KIF26B: variants seen among roughly 807,000 people sequenced by gnomAD.
The protein encoded by KIF26B is kinesin-like protein KIF26B.
In KIF26B, 63 loss-of-function variants were observed where a neutral mutation model predicts 151.2. The observed-to-expected ratio is 0.42, with a 90% CI of 0.34 to 0.51. KIF26B has a LOEUF of 0.51. Among genes scored for constraint, KIF26B ranks in the 20% least tolerant of loss-of-function variants. The pLI is 0.07. For synonymous variants in KIF26B, 1,357 were observed against 1,262.1 expected (o/e 1.08, Z -1.59); for missense variants, 2,813 against 2,913.6 (o/e 0.97, Z 0.79).
intron 4 of KIF26B, among the ~76,000 whole-genome samples, chr1:245,470,364 A>G (rs1274146277): frequency 6.6e-6 from 1 of 152,138 alleles, no homozygotes; most frequent in Non-Finnish European, 1.5e-5. Flanking sequence ...CAAAGGAAGA[A>G]TTGGCAAGGG....
rs540857783 is a variant in KIF26B, at chr1:245,709,346, T to C, written c.*6740T>C. 6.6e-6 allele frequency: 1 copy of C among 152,218 alleles called. No homozygotes were observed. The highest frequency in any genetic ancestry group is 1.9e-4 in the East Asian group (1 of 5,196). The allele number at this position is 152,218 out of a possible 1,614,324, so 9.4% of individuals were successfully genotyped here. Reference sequence around the variant, plus strand: ...CTACGATCTCTGACTTTTTGTGGCATATGAGGTGTAAAATGTTGTCAAAAA... The same window carrying C: ...CTACGATCTCTGACTTTTTGTGGCACATGAGGTGTAAAATGTTGTCAAAAA... On this transcript the variant is annotated 3_prime_UTR_variant, in exon 15 of 15. Coordinates refer to ENST00000407071, the MANE Select transcript of KIF26B (RefSeq NM_018012.4).
In KIF26B at chr1:245,386,367, T is replaced by C. The variant is rs372579324; in HGVS notation, c.999+19000T>C. ...AAAAAAGACAGATTTATTCTTCCTA[T>C]CTAACTGAGGCTTTGTACCTTTTGA... On this transcript the variant is annotated intron_variant, in intron 3 of 14. Coordinates refer to ENST00000407071, the MANE Select transcript of KIF26B (RefSeq NM_018012.4). Among the ~76,000 whole-genome samples, 8 of 152,112 alleles carry C rather than the reference T, an allele frequency of 5.3e-5. No homozygotes were observed. The East Asian group carries it at 1.2e-3, about 22-fold the overall frequency.
At position 245,227,970 on chromosome 1, in the gene KIF26B, C is replaced by G. The variant is rs1276032467; in HGVS notation, c.465+71287C>G. On this transcript the variant is annotated intron_variant, in intron 2 of 14. Transcript: ENST00000407071. The surrounding 1 kb of genome is among the most constrained non-coding windows in gnomAD (Gnocchi z 4.1). Reference sequence around the variant, plus strand: ...TGAGCTCAGGTTGCGCCTCTGCACTCCAGCCTGGGCAACAAGAGCGAAACT... The same window carrying G: ...TGAGCTCAGGTTGCGCCTCTGCACTGCAGCCTGGGCAACAAGAGCGAAACT... Among the ~76,000 whole-genome samples the G allele has an allele frequency of 6.6e-6, 1 of 152,132 alleles. No individual in the cohort carries two copies. The highest frequency in any genetic ancestry group is 1.5e-5 in the Non-Finnish European group (1 of 68,024).
intron 4 of KIF26B, among the ~76,000 whole-genome samples, chr1:245,492,196 A>G (rs1572089987): frequency 6.6e-6 from 1 of 152,336 alleles, no homozygotes; most frequent in East Asian, 1.9e-4. Flanking sequence ...CCTTGAAGAC[A>G]AGGGCTGAGC....
intron 4 of KIF26B, among the ~76,000 whole-genome samples, chr1:245,526,210 T>C (rs1184234945): frequency 6.6e-6 from 1 of 152,218 alleles, no homozygotes; most frequent in Non-Finnish European, 1.5e-5. Context: ...GTGTCCTTTA[T>C]TGCCCAGTGT....
chr1:245,184,050 G>GTTTTGTTTTTTTTTTTTGTTTTTT (rs1553332273), intron 2 of KIF26B, among the ~76,000 whole-genome samples: 1 of 19,804 alleles, frequency 5.0e-5, no homozygotes, highest in Admixed American at 1.0e-3. Context: ...GGGAGTTGTT[G>GTTTTGTTTTTTTTTTTTGTTTTTT]TTTTTTTTTT....
chr1:245,385,657 G>A lies in KIF26B; in HGVS notation c.999+18290G>A, dbSNP rs935015346. ...CTGGGGAAGAGGCAGAGAAGGAAGG[G>A]AAAACATTTAAAGAGGGCAAAACAT... On this transcript the variant is annotated intron_variant, in intron 3 of 14. Transcript: ENST00000407071. Among the ~76,000 whole-genome samples the A allele has an allele frequency of 3.9e-5, 6 of 152,298 alleles. No individual in the cohort carries two copies. The South Asian group carries it at 6.2e-4, about 16-fold the overall frequency.
chr1:245,173,628 C>T (rs769936237), intron 2 of KIF26B, among the ~76,000 whole-genome samples: 4 of 152,318 alleles, frequency 2.6e-5, no homozygotes, highest in South Asian at 2.1e-4. Context: ...TGTGGTCCTG[C>T]ACTCACTGCA....
chr1:245,425,658 G>A (rs191963049), intron 4 of KIF26B, among the ~76,000 whole-genome samples: 252 of 152,312 alleles, frequency 1.7e-3, no homozygotes, highest in African/African-American at 5.9e-3. Context: ...TCCCGCCTCC[G>A]CCTCTCAAAG....
chr1:245,650,253 T>C (rs1430277278), intron 10 of KIF26B, among the ~76,000 whole-genome samples: 1 of 152,270 alleles, frequency 6.6e-6, no homozygotes, highest in Non-Finnish European at 1.5e-5. Flanking sequence ...AAATTTTCTT[T>C]ATTCGGTACA....
intron 3 of KIF26B, among the ~76,000 whole-genome samples, chr1:245,416,331 T>A (rs999162911): frequency 6.0e-5 from 9 of 150,438 alleles, no homozygotes; most frequent in Non-Finnish European, 8.9e-5. Flanking sequence ...CAATGAAATG[T>A]TTTAAAGAAA....
intron 9 of KIF26B, among the ~76,000 whole-genome samples, chr1:245,634,167 T>G (rs1191470306): frequency 6.6e-6 from 1 of 152,266 alleles, no homozygotes; most frequent in Non-Finnish European, 1.5e-5. Context: ...GCATTGATTT[T>G]TGTCCATTGA....
At chr1:245,438,727 T>C (rs114696472) in intron 4 of KIF26B, among the ~76,000 whole-genome samples, 13,110 of 152,242 alleles carry the variant, frequency 0.086, 665 homozygotes, top group South Asian at 0.17. Flanking sequence ...CCTCAAACGA[T>C]TGCTACACGC....
rs146856409 is a variant in KIF26B at position 245,355,831 on chromosome 1, G to A, written c.466-11003G>A. Among the ~76,000 whole-genome samples, 635 of 152,274 alleles carry A rather than the reference G, an allele frequency of 4.2e-3. 4 individuals are homozygous for A. Among genetic ancestry groups the A allele is most frequent in the African/African-American group, 0.014 (601 of 41,560 alleles). ...CAATTCACTGGGTGGAGGGTAGAGC[G>A]TCTCATGAAATCCTCGGCTCCTGTC... On this transcript the variant is annotated intron_variant, in intron 2 of 14. Transcript: ENST00000407071.
intron 10 of KIF26B, among the ~76,000 whole-genome samples, chr1:245,673,256 G>C (rs12734189): frequency 0.19 from 5,344 of 28,086 alleles, 530 homozygotes; most frequent in African/African-American, 0.45. Context: ...GTCCCCGCTG[G>C]GCGCTGCCAT....
At position 245,369,183 on chromosome 1, in the gene KIF26B, GAGAGAGAGAGAGAGAC is replaced by G. The variant is rs1299042461; in HGVS notation, c.999+1820_999+1835del. Among the ~76,000 whole-genome samples the G allele has an allele frequency of 2.1e-4, 32 of 150,056 alleles. No individual in the cohort carries two copies. In the South Asian group the frequency reaches 5.2e-3, roughly 24 times the overall value. On this transcript the variant is annotated intron_variant, in intron 3 of 14. Coordinates refer to ENST00000407071, the MANE Select transcript of KIF26B (RefSeq NM_018012.4). ...AAAAGAAGAGTGAGAGAGAGAGAGAGAGAGAGAGAGAGAGACAGACAGACAGACAGACAGTTTAGTC... is the reference window on the plus strand; with the variant it reads ...AAAAGAAGAGTGAGAGAGAGAGAGAGAGACAGACAGACAGACAGTTTAGTC...
intron 5 of KIF26B, among the ~76,000 whole-genome samples, chr1:245,595,565 G>C (rs2043329847): frequency 6.6e-6 from 1 of 152,170 alleles, no homozygotes; most frequent in Admixed American, 6.5e-5. Flanking sequence ...CAGTTTGCCA[G>C]TATTTTATTG....
At chr1:245,328,737 G>A (rs541114438) in intron 2 of KIF26B, among the ~76,000 whole-genome samples, 1 of 152,290 alleles carries the variant, frequency 6.6e-6, no homozygotes, top group African/African-American at 2.4e-5. Flanking sequence ...ACAACGCCTG[G>A]TCTCCACACT....
intron 3 of KIF26B, among the ~76,000 whole-genome samples, chr1:245,404,087 G>A (rs963608090): frequency 2.0e-5 from 3 of 152,130 alleles, no homozygotes; most frequent in Admixed American, 6.6e-5. Context: ...TTTTAAGTGC[G>A]GTGGAATCAT....
Sources: gnomAD v4.1 joint callset for allele counts (sites outside exome capture counted in the v4.1 genomes callset) on GRCh38, gnomAD v4.1.1 for gene constraint, Gnocchi (gnomAD v3.1) non-coding constraint, MANE v1.5 for transcripts, NCBI Gene and HGNC (gene_info 2026-07-23, HGNC 2026-07-21) for gene names.